BRINP1: variants seen among roughly 807,000 people sequenced by gnomAD.
The protein encoded by BRINP1 is BMP/retinoic acid inducible neural specific 1.
Under a neutral mutation model 72.9 loss-of-function variants are expected in BRINP1, and 17 were observed. The ratio of observed to expected loss-of-function variants is 0.23; its 90% confidence interval spans 0.16 to 0.35. The LOEUF (loss-of-function observed/expected upper bound fraction) is 0.35. Among genes scored for constraint, BRINP1 ranks in the 10% least tolerant of loss-of-function variants. The pLI is 1.00. For synonymous variants in BRINP1, 418 were observed against 378.5 expected (o/e 1.10, Z -1.21); for missense variants, 850 against 1,001.6 (o/e 0.85, Z 2.04).
At chr9:119,355,564 T>C (rs1430380765) in intron 1 of BRINP1, among the ~76,000 whole-genome samples, 1 of 151,850 alleles carries the variant, frequency 6.6e-6, no homozygotes, top group East Asian at 1.9e-4. Flanking sequence ...CCATCTCTAA[T>C]AAAAACACAA....
At chr9:119,315,848 G>A (rs1831119254) in intron 1 of BRINP1, among the ~76,000 whole-genome samples, 1 of 152,190 alleles carries the variant, frequency 6.6e-6, no homozygotes, top group Non-Finnish European at 1.5e-5. Flanking sequence ...TTAAGCCAAA[G>A]CCTAATTCAG....
intron 2 of BRINP1, among the ~76,000 whole-genome samples, chr9:119,301,908 C>T (rs780687853): frequency 7.2e-5 from 11 of 152,200 alleles, no homozygotes; most frequent in Non-Finnish European, 1.5e-4. Context: ...TTTGCACCGT[C>T]TCCCATCTTT....
intron 2 of BRINP1, among the ~76,000 whole-genome samples, chr9:119,285,665 T>C (rs1564238613): frequency 1.3e-5 from 2 of 152,328 alleles, no homozygotes; most frequent in East Asian, 1.9e-4. Context: ...GGCTGCAAGA[T>C]ACTTTGTACC....
rs535785186 is a variant in BRINP1, at chr9:119,256,941, C to T, written c.219-7791G>A. 1.1e-4 allele frequency among the ~76,000 whole-genome samples: 17 copies of T among 152,156 alleles called. No homozygotes were observed. The East Asian group carries it at 3.3e-3, about 29-fold the overall frequency. On this transcript the variant is annotated intron_variant, in intron 2 of 7. Transcript: ENST00000265922. ...TGTAGTTGGAGGTTACTTTCAAAAA[C>T]ATACACATCTTATAGGCCGTAAAAT...
chr9:119,302,291 A>C (rs1027686596), intron 2 of BRINP1, among the ~76,000 whole-genome samples: 63 of 152,172 alleles, frequency 4.1e-4, no homozygotes, highest in Non-Finnish European at 9.0e-4. Flanking sequence ...AGGAAGAGAA[A>C]ATGAGGATGA....
chr9:119,311,062 C>A (rs1030807325), intron 2 of BRINP1, among the ~76,000 whole-genome samples: 1 of 152,154 alleles, frequency 6.6e-6, no homozygotes, highest in South Asian at 2.1e-4. Context: ...ACACATCCTG[C>A]ACATTTCTCT....
intron 7 of BRINP1, among the ~76,000 whole-genome samples, chr9:119,206,742 T>G (rs1297964464): frequency 6.6e-6 from 1 of 152,208 alleles, no homozygotes; most frequent in African/African-American, 2.4e-5. Context: ...TCCACAGCAC[T>G]GTTCGCTGTG....
intron 2 of BRINP1, among the ~76,000 whole-genome samples, chr9:119,264,517 T>C (rs1394459699): frequency 6.6e-6 from 1 of 152,258 alleles, no homozygotes; most frequent in Non-Finnish European, 1.5e-5. Flanking sequence ...AGATGCCTTA[T>C]GTTCAAATTC....
rs373854751 is a variant in BRINP1, at chr9:119,265,242, C to T, written c.219-16092G>A. ...TCAGTGCTACAGGATGTGTCCTGCACGAGAATGGAAAAGTGGTAGCTTGTT... is the reference window on the plus strand; with the variant it reads ...TCAGTGCTACAGGATGTGTCCTGCATGAGAATGGAAAAGTGGTAGCTTGTT... On this transcript the variant is annotated intron_variant, in intron 2 of 7. Coordinates refer to ENST00000265922, the MANE Select transcript of BRINP1 (RefSeq NM_014618.3). Among the ~76,000 whole-genome samples, 10 of 152,176 alleles carry T rather than the reference C, an allele frequency of 6.6e-5. No individual in the cohort carries two copies. The East Asian group carries it at 9.7e-4, about 15-fold the overall frequency.
Position 119,366,503 on chromosome 9 carries a change from CGTGTGTGTGTGTGTGTGTGTGT to C in BRINP1, c.-51+2531_-51+2552del, listed in dbSNP as rs3983901. Among the ~76,000 whole-genome samples the C allele has an allele frequency of 1.6e-3, 213 of 136,312 alleles. 8 individuals are homozygous for C. Among genetic ancestry groups the C allele is most frequent in the African/African-American group, 4.0e-3 (142 of 35,628 alleles). 89.4% of individuals were successfully genotyped at this position (136,312 alleles called of 152,430 possible). A position where few individuals can be genotyped will look rare whatever the true frequency, so the allele number is the denominator to read the frequency against. The stretch of plus-strand genomic sequence containing the variant: ...TCTCTCTCAGTCCTCCCCCCACCAC[CGTGTGTGTGTGTGTGTGTGTGT>C]GTGTGTGTGTGTGTGTGTGTGTGTG... On this transcript the variant is annotated intron_variant, in intron 1 of 7. Transcript: ENST00000265922.
At chr9:119,209,294 T>G (rs968689530) in intron 6 of BRINP1, among the ~76,000 whole-genome samples, 1 of 152,164 alleles carries the variant, frequency 6.6e-6, no homozygotes, top group Non-Finnish European at 1.5e-5. Flanking sequence ...AAAACAAGGT[T>G]GGGTGCAGTG....
At chr9:119,333,990 A>G (rs1241745290) in intron 1 of BRINP1, among the ~76,000 whole-genome samples, 1 of 152,148 alleles carries the variant, frequency 6.6e-6, no homozygotes, top group Non-Finnish European at 1.5e-5. Flanking sequence ...CATTTTTGTG[A>G]AACTCCAAAG....
chr9:119,340,794 C>T (rs952067068), intron 1 of BRINP1, among the ~76,000 whole-genome samples: 1 of 152,174 alleles, frequency 6.6e-6, no homozygotes, highest in African/African-American at 2.4e-5. Context: ...CAAGGCAAAT[C>T]TTCCTTAGAC....
intron 1 of BRINP1, among the ~76,000 whole-genome samples, chr9:119,342,494 T>G (rs989350174): frequency 6.6e-6 from 1 of 152,184 alleles, no homozygotes; most frequent in Non-Finnish European, 1.5e-5. Context: ...TTGAGCCAGA[T>G]TAGCCTGAGT....
In BRINP1 at chr9:119,336,945, G is replaced by C. The variant is rs564379741; in HGVS notation, c.-50-23540C>G. Among the ~76,000 whole-genome samples, 12 of 152,268 alleles carry C rather than the reference G, an allele frequency of 7.9e-5. No individual in the cohort carries two copies. The South Asian group carries it at 8.3e-4, about 11-fold the overall frequency. On this transcript the variant is annotated intron_variant, in intron 1 of 7. Transcript: ENST00000265922. ...GACAGGCATCTGATTCCACGGAAAT[G>C]GGATGGGGAAGCCTTTTCTTTAAGA...
intron 7 of BRINP1, among the ~76,000 whole-genome samples, chr9:119,170,249 T>G (rs1829388187): frequency 6.6e-6 from 1 of 151,846 alleles, no homozygotes; most frequent in Non-Finnish European, 1.5e-5. Flanking sequence ...TTTAGAAGAA[T>G]GCATAACTAG....
chr9:119,168,890 T>C lies in BRINP1; in HGVS notation c.1146-666A>G, dbSNP rs545594743. On this transcript the variant is annotated intron_variant, in intron 7 of 7. Transcript: ENST00000265922. ...CACTTTTACACTGTTGATGTGAGTA[T>C]AAGTCAGTTCAACCATTGTGGAAGA... Among the ~76,000 whole-genome samples, 16 of 152,300 alleles carry C rather than the reference T, an allele frequency of 1.1e-4. No homozygotes were observed. In the South Asian group the frequency reaches 3.1e-3, roughly 30 times the overall value.
intron 3 of BRINP1, among the ~76,000 whole-genome samples, chr9:119,242,927 G>GAGCT (rs1381455672): frequency 6.6e-6 from 1 of 151,814 alleles, no homozygotes; most frequent in African/African-American, 2.4e-5. Flanking sequence ...AAGCTCCAGG[G>GAGCT]AGCTGCCTCT....
intron 7 of BRINP1, among the ~76,000 whole-genome samples, chr9:119,200,635 A>AG (rs1464566510): frequency 1.8e-5 from 2 of 110,912 alleles, no homozygotes; most frequent in Non-Finnish European, 3.6e-5. Context: ...AGAAAAAAAA[A>AG]GAAAAAAAAA....
Sources: allele counts gnomAD v4.1 joint callset (sites outside exome capture counted in the v4.1 genomes callset), GRCh38; gene constraint gnomAD v4.1.1; transcripts MANE v1.5; gene names NCBI Gene and HGNC (gene_info 2026-07-23, HGNC 2026-07-21).